FAT3: variants seen among roughly 807,000 people sequenced by gnomAD.
FAT3 encodes FAT atypical cadherin 3, also known as protocadherin Fat 3.
In FAT3, 95 loss-of-function variants were observed where a neutral mutation model predicts 310.2. The ratio of observed to expected loss-of-function variants is 0.31; its 90% confidence interval spans 0.26 to 0.36. The LOEUF (loss-of-function observed/expected upper bound fraction) is 0.36, where lower values mean the gene tolerates loss of function less well. Ranked by LOEUF, FAT3 falls within the 10% of genes least tolerant of loss-of-function variation. The probability of loss-of-function intolerance (pLI) is 1.00; values close to 1 mark genes in which losing one functional copy is unlikely to be tolerated. For synonymous variants in FAT3, 2,314 were observed against 2,192.9 expected, an observed-to-expected ratio of 1.06 and a Z score of -1.54; for missense variants, 5,408 against 5,715.6, an observed-to-expected ratio of 0.95 and a Z score of 1.74.
intron 2 of FAT3, among the ~76,000 whole-genome samples, chr11:92,391,343 TC>T (rs1405891154): frequency 2.0e-5 from 3 of 152,124 alleles, no homozygotes; most frequent in Non-Finnish European, 4.4e-5. Flanking sequence ...CAGCCCCACC[TC>T]CCCAAGTGTT....
chr11:92,868,060 G>A (rs774730689), intron 22 of FAT3, among the ~76,000 whole-genome samples: 7 of 152,142 alleles, frequency 4.6e-5, no homozygotes, highest in Admixed American at 3.3e-4. Flanking sequence ...ACATGCTCCC[G>A]GTTGAAGGCT....
At chr11:92,810,489 G>T (rs116290620) in intron 13 of FAT3, among the ~76,000 whole-genome samples, 1 of 152,120 alleles carries the variant, frequency 6.6e-6, no homozygotes, top group Non-Finnish European at 1.5e-5. Context: ...TGAAGAACTC[G>T]GTCACATGCT....
chr11:92,717,522 A>G (rs1034863284), intron 4 of FAT3, among the ~76,000 whole-genome samples: 1 of 152,220 alleles, frequency 6.6e-6, no homozygotes, highest in Non-Finnish European at 1.5e-5. Context: ...TGGCTTTGTC[A>G]TCCACCTGAC....
Position 92,809,997 on chromosome 11 carries a change from C to T in FAT3, c.9402C>T (p.Asp3134=), listed in dbSNP as rs1031303023. Residue 3134 remains aspartate (D), a synonymous_variant, in exon 13 of 28, where the codon GAC becomes GAT. Transcript: ENST00000525166. Reference sequence around the variant, plus strand: ...ATAACCCCCCTGTGTTTTCTTCTGACCACTACAACACCTGTGTCTATGAGA... The same window carrying T: ...ATAACCCCCCTGTGTTTTCTTCTGATCACTACAACACCTGTGTCTATGAGA... ...VNDNPPVFSS[D]HYNTCVYENT... 1 of 1,613,784 alleles carries T rather than the reference C, an allele frequency of 6.2e-7. No individual in the cohort carries two copies. Among genetic ancestry groups the T allele is most frequent in the African/African-American group, 1.3e-5 (1 of 74,900 alleles).
At chr11:92,323,997 A>G (rs997099597) in intron 1 of FAT3, among the ~76,000 whole-genome samples, 3 of 152,136 alleles carry the variant, frequency 2.0e-5, no homozygotes, top group Admixed American at 6.5e-5. Flanking sequence ...CTCATGAATC[A>G]ACTTCTGCTA....
chr11:92,773,272 A>T (rs146132436), intron 6 of FAT3, among the ~76,000 whole-genome samples: 1 of 152,286 alleles, frequency 6.6e-6, no homozygotes, highest in Non-Finnish European at 1.5e-5. Flanking sequence ...TGTGAGTTAT[A>T]TGTGGCCAGG....
At chr11:92,622,977 C>T (rs1200443282) in intron 3 of FAT3, among the ~76,000 whole-genome samples, 1 of 152,064 alleles carries the variant, frequency 6.6e-6, no homozygotes, top group East Asian at 1.9e-4. Context: ...CCACGAGATC[C>T]CCCAGAGAAG....
At chr11:92,392,132 C>T (rs1268094342) in intron 2 of FAT3, among the ~76,000 whole-genome samples, 2 of 152,100 alleles carry the variant, frequency 1.3e-5, no homozygotes, top group Non-Finnish European at 2.9e-5. Flanking sequence ...ACTCATTGGC[C>T]AGTTCATGTC....
At chr11:92,260,557 T>G (rs1865506775) in intron 1 of FAT3, among the ~76,000 whole-genome samples, 1 of 152,134 alleles carries the variant, frequency 6.6e-6, no homozygotes, top group East Asian at 1.9e-4. Flanking sequence ...GTTAAGGCTC[T>G]GTGGGTAAAT....
chr11:92,715,058 CA>C (rs529155356), intron 4 of FAT3, among the ~76,000 whole-genome samples: 173 of 133,062 alleles, frequency 1.3e-3, no homozygotes, highest in Middle Eastern at 3.8e-3. Context: ...TAGCCTCCTC[CA>C]AAAAAAAAAA....
At chr11:92,764,645 G>T (rs77990826) in intron 5 of FAT3, among the ~76,000 whole-genome samples, 2,567 of 152,252 alleles carry the variant, frequency 0.017, 39 homozygotes, top group Non-Finnish European at 0.027. Flanking sequence ...CTCAATATCT[G>T]TAAAGTTGAC....
rs750797383 is a variant in FAT3 at position 92,250,208 on chromosome 11, A to G, written c.-18+25034A>G. 4.6e-5 allele frequency among the ~76,000 whole-genome samples: 7 copies of G among 152,106 alleles called. No homozygotes were observed. In the East Asian group the frequency reaches 1.4e-3, roughly 29 times the overall value. ...ATAAATTCTGCAAGGATATTTTTCT[A>G]TTTTTAGCATCTAAGTTTTTAATTG... On this transcript the variant is annotated intron_variant, in intron 1 of 27. Coordinates refer to ENST00000525166, the MANE Select transcript of FAT3 (RefSeq NM_001367949.2).
intron 2 of FAT3, among the ~76,000 whole-genome samples, chr11:92,472,205 CTT>C (rs1013575987): frequency 3.3e-5 from 5 of 151,918 alleles, no homozygotes; most frequent in African/African-American, 1.2e-4. Flanking sequence ...TTTCTCTACT[CTT>C]TTGAATGTTC....
chr11:92,604,480 C>T (rs886224843), intron 3 of FAT3, among the ~76,000 whole-genome samples: 9 of 152,176 alleles, frequency 5.9e-5, no homozygotes, highest in African/African-American at 2.2e-4. Flanking sequence ...TCTCCAGTCT[C>T]ACAGATTATC....
intron 1 of FAT3, among the ~76,000 whole-genome samples, chr11:92,270,328 T>C (rs538322798): frequency 6.6e-6 from 1 of 152,144 alleles, no homozygotes; most frequent in South Asian, 2.1e-4. Flanking sequence ...TCTCCTTCCT[T>C]TTTGTCAACA....
intron 2 of FAT3, among the ~76,000 whole-genome samples, chr11:92,410,065 T>TAA (rs1190314315): frequency 6.6e-6 from 1 of 152,194 alleles, no homozygotes; most frequent in Admixed American, 6.5e-5. Context: ...TAAGGAATTT[T>TAA]AAAAAGAGTT....
chr11:92,626,557 G>A (rs933707118), intron 3 of FAT3, among the ~76,000 whole-genome samples: 4 of 151,586 alleles, frequency 2.6e-5, no homozygotes, highest in African/African-American at 9.7e-5. Context: ...ATCTCTTCCT[G>A]ATAGTTGCAT....
At chr11:92,635,327 G>A (rs192523132) in intron 3 of FAT3, among the ~76,000 whole-genome samples, 1 of 152,206 alleles carries the variant, frequency 6.6e-6, no homozygotes, top group African/African-American at 2.4e-5. Context: ...CTGATATGGA[G>A]AAACCCATTT....
intron 3 of FAT3, among the ~76,000 whole-genome samples, chr11:92,583,878 C>T (rs568482863): frequency 1.5e-4 from 22 of 147,262 alleles, no homozygotes; most frequent in South Asian, 1.2e-3. Flanking sequence ...CGTATTAAAA[C>T]GAGAGAGGGA....
Sources: allele counts gnomAD v4.1 joint callset (sites outside exome capture counted in the v4.1 genomes callset), GRCh38; gene constraint gnomAD v4.1.1; transcripts MANE v1.5; gene names NCBI Gene and HGNC (gene_info 2026-07-23, HGNC 2026-07-21).